ADARB1: variants seen among roughly 807,000 people sequenced by gnomAD.
The protein encoded by ADARB1 is double-stranded RNA-specific editase 1.
ADARB1 carries 10 observed loss-of-function variants against 52.4 expected under a neutral mutation model. That is an observed-to-expected ratio of 0.19 (90% CI 0.12 to 0.32). The LOEUF (loss-of-function observed/expected upper bound fraction) is 0.32, where lower values mean the gene tolerates loss of function less well. ADARB1 is among the 10% of genes least tolerant of loss of function. The pLI, the probability that ADARB1 is intolerant of heterozygous loss-of-function variation, is 1.00. For synonymous variants in ADARB1, 349 were observed against 371.1 expected (o/e 0.94, Z 0.68); for missense variants, 643 against 922.3 (o/e 0.70, Z 3.92).
chr21:45,091,929 A>G (rs979982663), intron 1 of ADARB1, among the ~76,000 whole-genome samples: 1 of 152,232 alleles, frequency 6.6e-6, no homozygotes, highest in African/African-American at 2.4e-5. Context: ...CCTTTGCAAA[A>G]TTAATTTGTC....
intron 1 of ADARB1, among the ~76,000 whole-genome samples, chr21:45,099,663 C>A (rs935420711): frequency 6.6e-6 from 1 of 152,146 alleles, no homozygotes; most frequent in South Asian, 2.1e-4. Flanking sequence ...TAAAAATTTA[C>A]AATTTATGTT....
Position 45,221,579 on chromosome 21 carries a change from G to T in ADARB1, c.1927-439G>T, listed in dbSNP as rs552802285. ...GCCAGAAGGGACAGTGCCCGGGAGG[G>T]TCCTGTTCACCAGGGGCAGCACCCA... On this transcript the variant is annotated intron_variant, in intron 10 of 10. Transcript: ENST00000348831. This position sits in a 1 kb window ranked among gnomAD's most constrained non-coding sequence, Gnocchi z 4.9. Among the ~76,000 whole-genome samples the T allele has an allele frequency of 6.6e-6, 1 of 152,306 alleles. No individual in the cohort carries two copies. The highest frequency in any genetic ancestry group is 2.1e-4 in the South Asian group (1 of 4,824).
At chr21:45,201,150 C>T (rs905890075) in intron 8 of ADARB1, among the ~76,000 whole-genome samples, 1 of 152,294 alleles carries the variant, frequency 6.6e-6, no homozygotes, top group African/African-American at 2.4e-5. Context: ...CTCTAGGAGA[C>T]GTCCTGCCTG....
chr21:45,193,258 T>G (rs77946472), intron 8 of ADARB1, among the ~76,000 whole-genome samples: 2,332 of 152,280 alleles, frequency 0.015, 67 homozygotes, highest in African/African-American at 0.051. Flanking sequence ...CCAAGCTAAA[T>G]GAAACATTTG....
intron 8 of ADARB1, among the ~76,000 whole-genome samples, chr21:45,194,950 G>A (rs1341744956): frequency 6.6e-6 from 1 of 152,170 alleles, no homozygotes; most frequent in African/African-American, 2.4e-5. Flanking sequence ...CACGAATGCT[G>A]GGTAGTATGG....
At chr21:45,153,802 G>A (rs527359979) in intron 2 of ADARB1, among the ~76,000 whole-genome samples, 1 of 152,230 alleles carries the variant, frequency 6.6e-6, no homozygotes, top group Admixed American at 6.5e-5. Flanking sequence ...CTGGACTGAC[G>A]GGCGGTCTCA....
At chr21:45,179,107 G>A (rs2091824456) in intron 4 of ADARB1, among the ~76,000 whole-genome samples, 1 of 152,140 alleles carries the variant, frequency 6.6e-6, no homozygotes. Flanking sequence ...CAATTGGAAT[G>A]CGTCGCCCCT....
At chr21:45,095,976 G>C (rs191894533) in intron 1 of ADARB1, among the ~76,000 whole-genome samples, 1 of 152,344 alleles carries the variant, frequency 6.6e-6, no homozygotes, top group Admixed American at 6.5e-5. Context: ...TTCCAGACCA[G>C]TTGAGAGAGC....
At chr21:45,123,120 T>G (rs892174259) in intron 1 of ADARB1, among the ~76,000 whole-genome samples, 2 of 152,228 alleles carry the variant, frequency 1.3e-5, no homozygotes, top group African/African-American at 4.8e-5. Flanking sequence ...ATACCTTTCT[T>G]GAACATGGAC....
chr21:45,163,205 T>C (rs2091070214), intron 2 of ADARB1, among the ~76,000 whole-genome samples: 1 of 152,244 alleles, frequency 6.6e-6, no homozygotes, highest in Admixed American at 6.5e-5. Flanking sequence ...TACAAATATT[T>C]CTGATTTAAG....
intron 1 of ADARB1, among the ~76,000 whole-genome samples, chr21:45,112,771 T>C (rs2145760703): frequency 6.6e-6 from 1 of 152,234 alleles, no homozygotes; most frequent in East Asian, 1.9e-4. Context: ...TGAAAGGGCC[T>C]GCAATTATTA....
At chr21:45,160,168 G>C (rs1442815013) in intron 2 of ADARB1, among the ~76,000 whole-genome samples, 1 of 152,206 alleles carries the variant, frequency 6.6e-6, no homozygotes, top group Non-Finnish European at 1.5e-5. Context: ...ACATGCTCCA[G>C]GTCCCTTAGA....
intron 2 of ADARB1, among the ~76,000 whole-genome samples, chr21:45,134,070 C>T (rs1325313529): frequency 2.1e-4 from 23 of 107,852 alleles, no homozygotes; most frequent in Non-Finnish European, 3.8e-4. Flanking sequence ...GTGGTGTGTG[C>T]GCCCGCCGGG....
intron 9 of ADARB1, among the ~76,000 whole-genome samples, chr21:45,214,939 A>G (rs560500057): frequency 6.6e-6 from 1 of 152,330 alleles, no homozygotes; most frequent in East Asian, 1.9e-4. Flanking sequence ...CCTCCAGTAC[A>G]ATGTTGAGTA....
In ADARB1 at chr21:45,176,393, C is replaced by A. The variant is rs868504673; in HGVS notation, c.692C>A (p.Pro231Gln). 2 of 1,614,174 alleles carry A rather than the reference C, an allele frequency of 1.2e-6. No individual in the cohort carries two copies. The highest frequency in any genetic ancestry group is 1.7e-6 in the Non-Finnish European group (2 of 1,180,022). The change falls in exon 4 of 11, where the codon CCG (proline) becomes CAG (glutamine). Residue 231 changes from proline to glutamine, a missense_variant. Pro to Gln is a moderately conservative substitution (Grantham distance 76). Transcript: ENST00000348831. The surrounding 1 kb of genome is among the most constrained non-coding windows in gnomAD (Gnocchi z 5.8). ...CCTGTCTTACCACCATTCCCACCCC[C>A]GAGTGGGAAGAATCCCGTGATGATC... is the stretch of plus-strand genomic sequence containing the variant. ...PLPVLPPFPP[P>Q]SGKNPVMILN...
chr21:45,207,696 G>A (rs989082376), intron 9 of ADARB1, among the ~76,000 whole-genome samples: 1 of 152,194 alleles, frequency 6.6e-6, no homozygotes. Flanking sequence ...CTCACGTCGT[G>A]TTTGTTACAC....
At chr21:45,114,879 A>G (rs377602984) in intron 1 of ADARB1, among the ~76,000 whole-genome samples, 1 of 152,238 alleles carries the variant, frequency 6.6e-6, no homozygotes, top group African/African-American at 2.4e-5. Context: ...AGGGGGCTGC[A>G]TTGCTGGATC....
intron 1 of ADARB1, among the ~76,000 whole-genome samples, chr21:45,099,340 C>T (rs1238400081): frequency 1.3e-5 from 2 of 152,122 alleles, no homozygotes; most frequent in African/African-American, 4.8e-5. Context: ...TTAGGGTCTT[C>T]GGATTGCTCT....
chr21:45,114,440 C>T (rs896191613), intron 1 of ADARB1, among the ~76,000 whole-genome samples: 7 of 152,140 alleles, frequency 4.6e-5, no homozygotes, highest in South Asian at 2.1e-4. Context: ...TCCGTCATCC[C>T]GGGCAGGTGC....
Sources: gnomAD v4.1 joint callset for allele counts (sites outside exome capture counted in the v4.1 genomes callset) on GRCh38, gnomAD v4.1.1 for gene constraint, Gnocchi (gnomAD v3.1) non-coding constraint, MANE v1.5 for transcripts, NCBI Gene and HGNC (gene_info 2026-07-23, HGNC 2026-07-21) for gene names.